CEP57: variants seen among roughly 807,000 people sequenced by gnomAD.
CEP57 encodes the protein centrosomal protein 57.
Under a neutral mutation model 68.0 loss-of-function variants are expected in CEP57, and 40 were observed. The observed-to-expected ratio is 0.59, with a 90% CI of 0.46 to 0.77. The LOEUF is 0.77. CEP57 is among the 30% of genes least tolerant of loss of function. The probability of loss-of-function intolerance (pLI) is 0.00; values close to 1 mark genes in which losing one functional copy is unlikely to be tolerated. For missense variants in CEP57, 606 were observed against 580.7 expected, an observed-to-expected ratio of 1.04 and a Z score of -0.45; for synonymous variants, 219 against 198.7, an observed-to-expected ratio of 1.10 and a Z score of -0.86.
At chr11:95,822,371 A>C (rs1314766461) in intron 7 of CEP57, 128 bp from the exon 8 acceptor site, 2 of 727,704 alleles carry the variant, frequency 2.7e-6, no homozygotes, top group African/African-American at 1.7e-5. Context: ...GCTTGTGATC[A>C]TAATGCCAAC....
chr11:95,804,955 G>T (rs559620446), intron 2 of CEP57, among the ~76,000 whole-genome samples: 1 of 151,970 alleles, frequency 6.6e-6, no homozygotes. Context: ...AAAACGTTAC[G>T]CATTTAAACA....
At chr11:95,813,149 A>T in intron 3 of CEP57, 38 bp downstream of exon 3, 1 of 1,570,480 alleles carries the variant, frequency 6.4e-7, no homozygotes, top group South Asian at 1.1e-5. Context: ...TATCAAAATA[A>T]GTGTTGTGCA....
intron 1 of CEP57, chr11:95,795,499 C>CTT (rs5793747): frequency 0.092 from 30,515 of 333,360 alleles, 77 homozygotes; most frequent in Non-Finnish European, 0.11. Context: ...AGCTGTTATT[C>CTT]TTTTTTTTTT....
In CEP57 at chr11:95,813,509, C is replaced by G; in HGVS notation, c.424C>G (p.Leu142Val). The G allele has an allele frequency of 1.9e-6, 3 of 1,612,740 alleles. No homozygotes were observed. The highest frequency in any genetic ancestry group is 3.3e-5 in the Admixed American group (2 of 60,020). Reference sequence around the variant, plus strand: ...GTTAGCTGCAGAAAATAAATGCAATCTATTAGAAAAACAATTGGAATACAT... The same window carrying G: ...GTTAGCTGCAGAAAATAAATGCAATGTATTAGAAAAACAATTGGAATACAT... ...QLLAAENKCN[L>V]LEKQLEYMRN... The change falls in exon 4 of 11, where the codon CTA becomes GTA. Residue 142 changes from leucine to valine, a missense_variant. Coordinates refer to ENST00000325542, the MANE Select transcript of CEP57 (RefSeq NM_014679.5).
intron 10 of CEP57, 75 bp downstream of exon 10, chr11:95,829,406 T>C (rs1388765184): frequency 2.2e-6 from 3 of 1,375,124 alleles, no homozygotes; most frequent in African/African-American, 2.9e-5. Context: ...TATTAAATGA[T>C]GACACTAAGT....
At chr11:95,810,036 C>G (rs1456622651) in intron 2 of CEP57, among the ~76,000 whole-genome samples, 1 of 152,160 alleles carries the variant, frequency 6.6e-6, no homozygotes, top group Non-Finnish European at 1.5e-5. Context: ...GGATGCAAGG[C>G]TGGTTCAACG....
chr11:95,813,703 G>A, intron 4 of CEP57, 114 bp downstream of exon 4: 12 of 1,255,098 alleles, frequency 9.6e-6, no homozygotes, highest in Non-Finnish European at 1.2e-5. Context: ...GCCCAGGACT[G>A]AAATTTCTTG....
In CEP57 at chr11:95,799,330, T is replaced by C. The variant is rs952135399; in HGVS notation, c.144T>C (p.Ser48=). 3.7e-6 allele frequency: 6 copies of C among 1,614,106 alleles called. No individual in the cohort carries two copies. In the Admixed American group the frequency reaches 6.7e-5, roughly 18 times the overall value. The change falls in exon 2 of 11, where the codon AGT becomes AGC. Residue 48 remains serine, a synonymous_variant. Transcript: ENST00000325542. The part of the protein sequence containing the change: ...VYPSDKPFLN[S]DLRRSPSKPT... Reference sequence around the variant, plus strand: ...CTTCGGATAAGCCTTTCCTTAATAGTGATCTACGACGCTCCCCAAGTAAGC... The same window carrying C: ...CTTCGGATAAGCCTTTCCTTAATAGCGATCTACGACGCTCCCCAAGTAAGC...
intron 1 of CEP57, among the ~76,000 whole-genome samples, chr11:95,797,829 G>A (rs575374126): frequency 2.0e-5 from 3 of 152,312 alleles, no homozygotes; most frequent in Admixed American, 1.3e-4. Flanking sequence ...GGATTCCCCT[G>A]ACTGGGCAGA....
intron 9 of CEP57, among the ~76,000 whole-genome samples, chr11:95,828,296 C>A (rs992953986): frequency 6.6e-6 from 1 of 152,158 alleles, no homozygotes; most frequent in African/African-American, 2.4e-5. Flanking sequence ...TCATGCATCA[C>A]TGAATGACAA....
chr11:95,823,120 T>C (rs1450855962), intron 8 of CEP57: 1 of 152,986 alleles, frequency 6.5e-6, no homozygotes, highest in Non-Finnish European at 1.5e-5. Flanking sequence ...TTGACACTAC[T>C]TTATAAGCTG....
At position 95,796,277 on chromosome 11, in the gene CEP57, C is replaced by T. The variant is rs183603332; in HGVS notation, c.46-2955C>T. On this transcript the variant is annotated intron_variant, in intron 1 of 10. Coordinates refer to ENST00000325542, the MANE Select transcript of CEP57 (RefSeq NM_014679.5). ...TATTTGCCCTAAGAACTAAAGGCTG[C>T]AGGAAAAGCTAGTGATCAGGTTAAA... 3.1e-3 allele frequency among the ~76,000 whole-genome samples: 470 copies of T among 152,308 alleles called. 4 individuals are homozygous for T. The highest frequency in any genetic ancestry group is 0.011 in the African/African-American group (451 of 41,572).
At chr11:95,809,915 C>T (rs761638703) in intron 2 of CEP57, among the ~76,000 whole-genome samples, 6 of 152,124 alleles carry the variant, frequency 3.9e-5, no homozygotes, top group East Asian at 1.9e-4. Context: ...AATTTTACAC[C>T]GATATCCCTG....
At chr11:95,827,691 G>T in intron 8 of CEP57, 95 bp from the exon 9 acceptor site, 1 of 1,384,670 alleles carries the variant, frequency 7.2e-7, no homozygotes. Flanking sequence ...TCTACTTTAG[G>T]GGGTGGAGAG....
intron 2 of CEP57, among the ~76,000 whole-genome samples, chr11:95,811,277 G>A (rs1862048521): frequency 6.6e-6 from 1 of 152,232 alleles, no homozygotes; most frequent in Middle Eastern, 3.4e-3. Context: ...CATGTCCTTT[G>A]TAGGGACATG....
chr11:95,804,817 C>T (rs1861725479), intron 2 of CEP57, among the ~76,000 whole-genome samples: 1 of 152,096 alleles, frequency 6.6e-6, no homozygotes, highest in Non-Finnish European at 1.5e-5. Flanking sequence ...TATAGAATTT[C>T]AATAAAATGT....
chr11:95,812,423 T>G (rs687529), intron 2 of CEP57, among the ~76,000 whole-genome samples: 1 of 151,934 alleles, frequency 6.6e-6, no homozygotes, highest in Non-Finnish European at 1.5e-5. Context: ...GTCTTTTTTT[T>G]AATTTATTAT....
chr11:95,820,090 A>G (rs1862459966), intron 6 of CEP57, among the ~76,000 whole-genome samples: 1 of 152,338 alleles, frequency 6.6e-6, no homozygotes, highest in Admixed American at 6.5e-5. Flanking sequence ...TGTTGAGTAC[A>G]TTATATATGA....
intron 6 of CEP57, 51 bp downstream of exon 6, chr11:95,818,955 G>A: frequency 7.4e-7 from 1 of 1,359,304 alleles, no homozygotes; most frequent in Non-Finnish European, 1.1e-6. Flanking sequence ...ACCGCTTTTT[G>A]TGTACAAGTA....
Sources: gnomAD v4.1 joint callset for allele counts (sites outside exome capture counted in the v4.1 genomes callset) on GRCh38, gnomAD v4.1.1 for gene constraint, MANE v1.5 for transcripts, NCBI Gene and HGNC (gene_info 2026-07-23, HGNC 2026-07-21) for gene names.